VWF: variants seen among roughly 807,000 people sequenced by gnomAD.
VWF encodes Factor VIII related antigen.
VWF carries 176 observed loss-of-function variants against 308.6 expected under a neutral mutation model. The ratio of observed to expected loss-of-function variants is 0.57; its 90% CI spans 0.50 to 0.65. VWF has a LOEUF of 0.65. Ranked by LOEUF, VWF falls within the 30% of genes least tolerant of loss-of-function variation. The pLI is 0.00. For missense variants in VWF, 3,146 were observed against 3,648.2 expected (o/e 0.86, Z 3.55); for synonymous variants, 1,385 against 1,443.4 (o/e 0.96, Z 0.92).
rs548236817 is a variant in VWF at position 6,060,718 on chromosome 12, G to A, written c.1533+2236C>T. On this transcript the variant is annotated intron_variant, in intron 13 of 51. Transcript: ENST00000261405. The surrounding 1 kb of genome is among the most constrained non-coding windows in gnomAD (Gnocchi z 5.1). ...TAAACTGACACAAACCCACCCCAAA[G>A]ATAACCCTACATCCCCTCCCACAGA... Among the ~76,000 whole-genome samples the A allele has an allele frequency of 2.0e-5, 3 of 152,250 alleles. No homozygotes were observed. In the East Asian group the frequency reaches 5.8e-4, roughly 29 times the overall value.
intron 34 of VWF, among the ~76,000 whole-genome samples, chr12:6,008,715 A>C (rs1298820490): frequency 6.6e-6 from 1 of 152,230 alleles, no homozygotes; most frequent in Non-Finnish European, 1.5e-5. Flanking sequence ...TCAAAAAAGA[A>C]GTAAAATTAT....
At chr12:6,034,363 G>A (rs188759851) in intron 20 of VWF, among the ~76,000 whole-genome samples, 189 of 152,324 alleles carry the variant, frequency 1.2e-3, no homozygotes, top group Non-Finnish European at 2.2e-3. Context: ...GTGTCTACCA[G>A]AAGGAACAGA....
chr12:5,969,523 A>C (rs369143092), intron 44 of VWF, 132 bp from the exon 45 acceptor site: 2 of 1,073,226 alleles, frequency 1.9e-6, no homozygotes, highest in Non-Finnish European at 1.4e-6. Context: ...GTCCCACCAC[A>C]GGGTAGGGCC....
chr12:5,991,592 C>T (rs1943743934), intron 38 of VWF, among the ~76,000 whole-genome samples: 1 of 152,124 alleles, frequency 6.6e-6, no homozygotes. Context: ...GTGGTAACAA[C>T]ACTTTGATGT....
At chr12:6,012,213 T>C in intron 32 of VWF, 83 bp from the exon 33 acceptor site, 1 of 1,471,454 alleles carries the variant, frequency 6.8e-7, no homozygotes. Flanking sequence ...TTAAGCAACC[T>C]GGTCTAGTTT....
chr12:6,002,902 G>C (rs1287478414), intron 34 of VWF, among the ~76,000 whole-genome samples: 4 of 151,888 alleles, frequency 2.6e-5, no homozygotes, highest in Non-Finnish European at 4.4e-5. Flanking sequence ...AAACCTACAG[G>C]GTGGGAGACG....
chr12:6,002,710 C>G (rs186346759), intron 34 of VWF, among the ~76,000 whole-genome samples: 1 of 152,182 alleles, frequency 6.6e-6, no homozygotes, highest in Admixed American at 6.5e-5. Context: ...ATACCAACCC[C>G]AAATGATTTC....
intron 5 of VWF, among the ~76,000 whole-genome samples, chr12:6,098,468 C>CA (rs1478244962): frequency 2.0e-5 from 3 of 152,106 alleles, no homozygotes; most frequent in South Asian, 2.1e-4. Context: ...ACTAATCTCA[C>CA]AAAAAAGTAT....
intron 6 of VWF, among the ~76,000 whole-genome samples, chr12:6,079,335 G>A (rs1250317976): frequency 5.9e-5 from 9 of 152,168 alleles, no homozygotes; most frequent in African/African-American, 9.7e-5. Context: ...GGCCAGGCGC[G>A]GTGGCTCACA....
chr12:6,033,529 T>G (rs1166253330), intron 20 of VWF, among the ~76,000 whole-genome samples: 1 of 152,228 alleles, frequency 6.6e-6, no homozygotes, highest in Non-Finnish European at 1.5e-5. Context: ...TCTGCAAAGC[T>G]GGTGTCGCCC....
At chr12:5,952,575 C>A in intron 48 of VWF, 56 bp from the exon 49 acceptor site, 3 of 1,599,604 alleles carry the variant, frequency 1.9e-6, no homozygotes, top group Non-Finnish European at 2.6e-6. Flanking sequence ...CACAAAGCCA[C>A]TTCAAACCAT....
At position 6,052,693 on chromosome 12, in the gene VWF, C is replaced by A; in HGVS notation, c.2036G>T (p.Cys679Phe). ...CRSLSYPDEE[C>F]NEACLEGCFC... ...GCAGCCCTCCAGGCAGGCCTCATTG[C>A]ATTCCTCATCCGGGTAAGAGAGAGA... The change falls in exon 16 of 52, where the codon TGC becomes TTC. Residue 679 changes from cysteine (C) to phenylalanine (F), a missense_variant. By Grantham distance (205) the Cys-to-Phe change is radical. Transcript: ENST00000261405. 1 of 1,614,244 alleles carries A rather than the reference C, an allele frequency of 6.2e-7. No homozygotes were observed. Among genetic ancestry groups the A allele is most frequent in the Non-Finnish European group, 8.5e-7 (1 of 1,180,046 alleles).
chr12:5,975,264 T>C (rs1413266363), intron 43 of VWF, among the ~76,000 whole-genome samples: 2 of 152,248 alleles, frequency 1.3e-5, no homozygotes, highest in African/African-American at 4.8e-5. Flanking sequence ...TTCACTGCCA[T>C]TGACATTTGC....
chr12:5,992,073 G>C (rs1280158283), intron 37 of VWF, 55 bp from the exon 38 acceptor site: 5 of 1,526,572 alleles, frequency 3.3e-6, no homozygotes, highest in Middle Eastern at 1.7e-4. Flanking sequence ...AGAGTGAAAT[G>C]GGCACAGCTG....
intron 44 of VWF, 73 bp downstream of exon 44, chr12:5,971,526 A>C: frequency 7.9e-7 from 1 of 1,261,756 alleles, no homozygotes; most frequent in Middle Eastern, 2.3e-4. Flanking sequence ...GAATGAGATG[A>C]AACCAAGGTC....
At position 5,983,543 on chromosome 12, in the gene VWF, G is replaced by GATAGATAGATAGATAGATAGATAGATA. The variant is rs1161712163; in HGVS notation, c.6977-290_6977-289insTATCTATCTATCTATCTATCTATCTAT. Among the ~76,000 whole-genome samples, 1,265 of 141,312 alleles carry GATAGATAGATAGATAGATAGATAGATA rather than the reference G, an allele frequency of 9.0e-3. 15 individuals are homozygous for GATAGATAGATAGATAGATAGATAGATA. The highest frequency in any genetic ancestry group is 0.042 in the East Asian group (205 of 4,912). The allele number at this position is 141,312 out of a possible 152,430, so 92.7% of individuals were successfully genotyped here. On this transcript the variant is annotated intron_variant, in intron 40 of 51. Coordinates refer to ENST00000261405, the MANE Select transcript of VWF (RefSeq NM_000552.5). Reference sequence around the variant, plus strand: ...ACATTAGATAGATAGATAGATAGATGGATGATAGATAGAGGATAGATGATA... The same window carrying GATAGATAGATAGATAGATAGATAGATA: ...ACATTAGATAGATAGATAGATAGATGATAGATAGATAGATAGATAGATAGATAGATGATAGATAGAGGATAGATGATA...
chr12:6,105,936 A>G (rs1945238925), intron 5 of VWF, among the ~76,000 whole-genome samples: 3 of 152,100 alleles, frequency 2.0e-5, no homozygotes, highest in Admixed American at 2.0e-4. Context: ...CCAGCTACTC[A>G]GGAGGCTGAG....
chr12:5,953,238 A>G (rs994028519), intron 48 of VWF, among the ~76,000 whole-genome samples: 1 of 152,176 alleles, frequency 6.6e-6, no homozygotes, highest in Non-Finnish European at 1.5e-5. Flanking sequence ...GAAAGAAAAA[A>G]AAAAGATCAA....
chr12:5,957,348 G>A (rs1591830417), intron 47 of VWF, among the ~76,000 whole-genome samples: 2 of 148,658 alleles, frequency 1.3e-5, no homozygotes, highest in East Asian at 4.0e-4. Context: ...AAAACAAAAT[G>A]AAACAGAAAA....
Sources: gnomAD v4.1 joint callset for allele counts (sites outside exome capture counted in the v4.1 genomes callset) on GRCh38, gnomAD v4.1.1 for gene constraint, Gnocchi (gnomAD v3.1) non-coding constraint, MANE v1.5 for transcripts, NCBI Gene and HGNC (gene_info 2026-07-23, HGNC 2026-07-21) for gene names.